The following ANKRD28 variants were observed in gnomAD, a reference collection of about 807,000 sequenced individuals.
ANKRD28 encodes ankyrin repeat domain 28, also known as serine/threonine-protein phosphatase 6 regulatory ankyrin repeat subunit A.
Under a neutral mutation model 126.5 loss-of-function variants are expected in ANKRD28, and 44 were observed. The observed-to-expected ratio is 0.35, with a 90% CI of 0.27 to 0.45. ANKRD28 has a LOEUF of 0.45. Ranked by LOEUF, ANKRD28 falls within the 20% of genes least tolerant of loss-of-function variation. The probability of loss-of-function intolerance (pLI) is 1.00; values close to 1 mark genes in which losing one functional copy is unlikely to be tolerated. For synonymous variants in ANKRD28, 442 were observed against 468.5 expected (o/e 0.94, Z 0.73); for missense variants, 1,110 against 1,316.6 (o/e 0.84, Z 2.43).
intron 4 of ANKRD28, among the ~76,000 whole-genome samples, chr3:15,740,640 T>G (rs2075385729): frequency 6.6e-6 from 1 of 152,222 alleles, no homozygotes; most frequent in Admixed American, 6.5e-5. Context: ...AGCCTTGCCT[T>G]ATCCACTCCC....
chr3:15,672,632 C>T (rs2066489674), intron 27 of ANKRD28, among the ~76,000 whole-genome samples: 1 of 152,148 alleles, frequency 6.6e-6, no homozygotes, highest in Non-Finnish European at 1.5e-5. Context: ...TCTAAAGGTG[C>T]CTGCTGCTGT....
Position 15,845,190 on chromosome 3 carries a change from C to T in ANKRD28, c.27+14187G>A, listed in dbSNP as rs1051314036. Among the ~76,000 whole-genome samples the T allele has an allele frequency of 6.6e-6, 1 of 152,186 alleles. No homozygotes were observed. Among genetic ancestry groups the T allele is most frequent in the Non-Finnish European group, 1.5e-5 (1 of 68,042 alleles). ...GAGATTTAGGCACACAAATCCAAAC[C>T]ATATCACTATTTTAAAAATAACTTA... On this transcript the variant is annotated intron_variant, in intron 1 of 27. Transcript: ENST00000399451. This position sits in a 1 kb window ranked among gnomAD's most constrained non-coding sequence, Gnocchi z 4.9.
Position 15,690,132 on chromosome 3 carries a change from AG to A in ANKRD28, c.1849del (p.Leu617Ter), listed in dbSNP as rs1238297189. On this transcript the variant is annotated frameshift_variant, in exon 18 of 28. Transcript: ENST00000683139. LOFTEE classifies it high-confidence loss of function. ...ATGGCCCTTAAAAGCTGCAAGATCTAGGGGTGTTCTTCCACTACTATTTCTG... is the reference window on the plus strand; with the variant it reads ...ATGGCCCTTAAAAGCTGCAAGATCTAGGGTGTTCTTCCACTACTATTTCTG... Reference protein sequence around the residue: ...DVRNSSGRTPLDLAAFKGHVE... With the variant: ...DVRNSSGRTPXDLAAFKGHVE... 1 of 1,610,564 alleles carries A rather than the reference AG, an allele frequency of 6.2e-7. No individual in the cohort carries two copies.
rs116342133 is a variant in ANKRD28, at chr3:15,804,983, T to G, written c.28-9677A>C. On this transcript the variant is annotated intron_variant, in intron 1 of 27. Coordinates refer to the ANKRD28 transcript ENST00000399451. ...TGGGGGACTAGAAGAATGCTGACTT[T>G]GCGCTCTTTCCTCCTCCCAACACAC... 9.9e-3 allele frequency among the ~76,000 whole-genome samples: 1,440 copies of G among 145,370 alleles called. 201 individuals are homozygous for G. The highest frequency in any genetic ancestry group is 0.035 in the African/African-American group (1,349 of 38,838).
At chr3:15,803,864 A>G (rs1405584297) in intron 1 of ANKRD28, among the ~76,000 whole-genome samples, 1 of 144,522 alleles carries the variant, frequency 6.9e-6, no homozygotes, top group African/African-American at 2.6e-5. Context: ...TTTTAAACTT[A>G]ATACAGAGCC....
chr3:15,821,328 G>A (rs1053726173), intron 1 of ANKRD28, among the ~76,000 whole-genome samples: 1 of 152,068 alleles, frequency 6.6e-6, no homozygotes, highest in Non-Finnish European at 1.5e-5. Context: ...ACAGACAAAT[G>A]GTATTTTTCT....
intron 6 of ANKRD28, among the ~76,000 whole-genome samples, chr3:15,727,181 T>C (rs1431701479): frequency 6.6e-6 from 1 of 152,178 alleles, no homozygotes; most frequent in Non-Finnish European, 1.5e-5. Flanking sequence ...AGTCTTATTA[T>C]TTAAGAAATA....
chr3:15,743,592 A>G (rs186125769), intron 4 of ANKRD28, among the ~76,000 whole-genome samples: 19 of 142,304 alleles, frequency 1.3e-4, no homozygotes, highest in Admixed American at 2.8e-4. Context: ...ACACACACAC[A>G]CGCACACCAA....
chr3:15,825,295 TAAGA>T (rs1369946485), intron 1 of ANKRD28, among the ~76,000 whole-genome samples: 4 of 152,234 alleles, frequency 2.6e-5, no homozygotes, highest in Admixed American at 2.6e-4. Flanking sequence ...GCTGTTGCAT[TAAGA>T]AACATCTGCC....
At chr3:15,821,726 A>T (rs1017547727) in intron 1 of ANKRD28, among the ~76,000 whole-genome samples, 1 of 151,854 alleles carries the variant, frequency 6.6e-6, no homozygotes, top group Non-Finnish European at 1.5e-5. Context: ...ACCACTCCCA[A>T]CTCCCCCTAC....
intron 2 of ANKRD28, among the ~76,000 whole-genome samples, chr3:15,792,264 A>C (rs2060066243): frequency 6.6e-6 from 1 of 152,100 alleles, no homozygotes; most frequent in African/African-American, 2.4e-5. Context: ...AGAGATCTGC[A>C]CTCCTATGTT....
intron 3 of ANKRD28, among the ~76,000 whole-genome samples, chr3:15,757,051 T>C (rs1048244783): frequency 6.6e-6 from 1 of 152,192 alleles, no homozygotes; most frequent in Non-Finnish European, 1.5e-5. Context: ...CCTTATTCAA[T>C]GTGAAGATGA....
chr3:15,744,370 A>G (rs1461544954), intron 4 of ANKRD28, among the ~76,000 whole-genome samples: 1 of 151,906 alleles, frequency 6.6e-6, no homozygotes, highest in Non-Finnish European at 1.5e-5. Context: ...CTGGAGCGCA[A>G]TGGCGCGATC....
At chr3:15,803,279 T>TTGGATTA in intron 1 of ANKRD28, among the ~76,000 whole-genome samples, 1 of 151,708 alleles carries the variant, frequency 6.6e-6, no homozygotes, top group East Asian at 1.9e-4. Flanking sequence ...TCCAACAGAG[T>TTGGATTA]GGGTGATCTG....
intron 14 of ANKRD28, among the ~76,000 whole-genome samples, chr3:15,706,472 C>G (rs1005271939): frequency 8.5e-5 from 13 of 152,288 alleles, no homozygotes; most frequent in Admixed American, 8.5e-4. Context: ...GCCACATTTT[C>G]TTAATCCAGT....
chr3:15,753,884 C>T (rs1490573571), intron 3 of ANKRD28, among the ~76,000 whole-genome samples: 1 of 152,110 alleles, frequency 6.6e-6, no homozygotes, highest in African/African-American at 2.4e-5. Context: ...GAAGAGGTTG[C>T]AGTGAGCCGA....
In ANKRD28 at chr3:15,805,889, G is replaced by A. The variant is rs563962487; in HGVS notation, c.28-10583C>T. ...AGATCAGTATCTGAAGTGTACATTC[G>A]TTATTTCACAAACAAACTGAACCCA... On this transcript the variant is annotated intron_variant, in intron 1 of 27. Transcript: ENST00000399451. 2.6e-4 allele frequency among the ~76,000 whole-genome samples: 40 copies of A among 152,188 alleles called. 1 individual carries two copies. In the South Asian group the frequency reaches 6.2e-3, roughly 24 times the overall value.
At position 15,839,146 on chromosome 3, in the gene ANKRD28, G is replaced by C. The variant is rs2125962628; in HGVS notation, c.27+20231C>G. The stretch of plus-strand genomic sequence containing the variant: ...AAAGTAGGTACAAGGTATCTTTTTG[G>C]GGTGATGAAAATACTCTAAAACTGG... On this transcript the variant is annotated intron_variant, in intron 1 of 27. Transcript: ENST00000399451. This position sits in a 1 kb window ranked among gnomAD's most constrained non-coding sequence, Gnocchi z 4.3. Among the ~76,000 whole-genome samples, 1 of 152,200 alleles carries C rather than the reference G, an allele frequency of 6.6e-6. No individual in the cohort carries two copies. The highest frequency in any genetic ancestry group is 2.4e-5 in the African/African-American group (1 of 41,522).
chr3:15,711,496 G>A (rs2072269637), intron 11 of ANKRD28, among the ~76,000 whole-genome samples: 1 of 152,222 alleles, frequency 6.6e-6, no homozygotes, highest in Admixed American at 6.5e-5. Context: ...TAACCCTTGA[G>A]AACATTATAT....
Sources: gnomAD v4.1 joint callset for allele counts (sites outside exome capture counted in the v4.1 genomes callset) on GRCh38, gnomAD v4.1.1 for gene constraint, Gnocchi (gnomAD v3.1) non-coding constraint, MANE v1.5 for transcripts, NCBI Gene and HGNC (gene_info 2026-07-23, HGNC 2026-07-21) for gene names.